The following TRAPPC9 variants were observed in gnomAD, a reference collection of about 807,000 sequenced individuals.
The protein encoded by TRAPPC9 is trafficking protein particle complex subunit 9.
A neutral mutation model predicts 124.0 loss-of-function variants in TRAPPC9; 83 were observed. The observed-to-expected ratio is 0.67, with a 90% CI of 0.56 to 0.80. TRAPPC9 has a LOEUF of 0.80. Ranked by LOEUF, TRAPPC9 falls within the 30% of genes least tolerant of loss-of-function variation. The probability of loss-of-function intolerance (pLI) is 0.00; values close to 1 mark genes in which losing one functional copy is unlikely to be tolerated. For synonymous variants in TRAPPC9, 638 were observed against 617.5 expected (o/e 1.03, Z -0.49); for missense variants, 1,302 against 1,508.3 (o/e 0.86, Z 2.27).
At chr8:140,271,454 C>G (rs76185486) in intron 15 of TRAPPC9, among the ~76,000 whole-genome samples, 4 of 152,010 alleles carry the variant, frequency 2.6e-5, no homozygotes, top group Admixed American at 6.6e-5. Flanking sequence ...AGGATGGTCA[C>G]GCCACGCGTC....
intron 17 of TRAPPC9, among the ~76,000 whole-genome samples, chr8:140,172,555 T>G (rs1028297328): frequency 1.3e-5 from 2 of 152,020 alleles, no homozygotes; most frequent in Admixed American, 6.5e-5. Context: ...GGGGTTAAAC[T>G]ACCTCTGGAG....
intron 19 of TRAPPC9, among the ~76,000 whole-genome samples, chr8:139,958,754 G>A (rs1365377713): frequency 6.6e-6 from 1 of 152,252 alleles, no homozygotes; most frequent in Non-Finnish European, 1.5e-5. Context: ...AGGGTGTGCA[G>A]TCAGCTTCCT....
intron 21 of TRAPPC9, among the ~76,000 whole-genome samples, chr8:139,872,388 GTGGATGGATGGA>G (rs112393714): frequency 2.9e-4 from 22 of 74,888 alleles, no homozygotes; most frequent in Admixed American, 9.4e-4. Flanking sequence ...GGATAAGTGG[GTGGATGGATGGA>G]TGGATGGATG....
chr8:139,975,463 C>T (rs1285840151), intron 19 of TRAPPC9, among the ~76,000 whole-genome samples: 1 of 152,224 alleles, frequency 6.6e-6, no homozygotes, highest in Non-Finnish European at 1.5e-5. Flanking sequence ...AGAACCACGA[C>T]TCCCACAGGA....
rs536660250 is a variant in TRAPPC9 at position 139,849,160 on chromosome 8, TAGGATACCTGGAGAAA to T, written c.3055+36703_3055+36718del. Among the ~76,000 whole-genome samples, 4 of 152,316 alleles carry T rather than the reference TAGGATACCTGGAGAAA, an allele frequency of 2.6e-5. No individual in the cohort carries two copies. In the East Asian group the frequency reaches 7.7e-4, roughly 29 times the overall value. ...TCCCAAATTGCATTGAGCCTTCGTC[TAGGATACCTGGAGAAA>T]AGATCTCCCGAGAACTCCAAAAGCC... On this transcript the variant is annotated intron_variant, in intron 21 of 22. Transcript: ENST00000438773.
At chr8:140,021,884 T>C (rs867993766) in intron 18 of TRAPPC9, among the ~76,000 whole-genome samples, 1 of 152,206 alleles carries the variant, frequency 6.6e-6, no homozygotes, top group South Asian at 2.1e-4. Context: ...ATAAAGCATC[T>C]TCATTTAAGA....
intron 19 of TRAPPC9, among the ~76,000 whole-genome samples, chr8:139,930,826 G>C (rs2233228): frequency 0.11 from 16,251 of 152,184 alleles, 991 homozygotes; most frequent in Admixed American, 0.18. Flanking sequence ...GCGAAAACGG[G>C]GCCACCCAAG....
chr8:140,166,149 T>A (rs567577740), intron 17 of TRAPPC9, among the ~76,000 whole-genome samples: 1 of 152,178 alleles, frequency 6.6e-6, no homozygotes, highest in South Asian at 2.1e-4. Flanking sequence ...CCAAAAGGCA[T>A]GACCGAAAGC....
chr8:139,938,947 G>A (rs1466382251), intron 19 of TRAPPC9, among the ~76,000 whole-genome samples: 4 of 152,318 alleles, frequency 2.6e-5, no homozygotes, highest in Admixed American at 6.5e-5. Flanking sequence ...GCCCGGCCCC[G>A]ATTAATTTTT....
chr8:140,448,580 T>C (rs552932684), intron 2 of TRAPPC9, among the ~76,000 whole-genome samples: 2 of 152,278 alleles, frequency 1.3e-5, no homozygotes, highest in South Asian at 4.1e-4. Context: ...AAGGCATGAG[T>C]CAAGGGGTCA....
chr8:140,115,333 T>C (rs1353068303), intron 17 of TRAPPC9, among the ~76,000 whole-genome samples: 1 of 151,878 alleles, frequency 6.6e-6, no homozygotes, highest in Admixed American at 6.6e-5. Flanking sequence ...AGTGGCGTGA[T>C]CTAGGCTCAC....
chr8:140,205,975 G>A (rs1029434527), intron 17 of TRAPPC9, among the ~76,000 whole-genome samples: 30 of 152,106 alleles, frequency 2.0e-4, no homozygotes, highest in African/African-American at 7.2e-4. Flanking sequence ...ATGACTCACT[G>A]AACCGATCCT....
intron 6 of TRAPPC9, among the ~76,000 whole-genome samples, chr8:140,404,786 T>C (rs557057107): frequency 4.3e-4 from 64 of 150,026 alleles, no homozygotes; most frequent in African/African-American, 1.5e-3. Context: ...GTGAGCATGC[T>C]TGTATGTATG....
chr8:140,334,300 TG>T (rs2066975995), intron 9 of TRAPPC9, among the ~76,000 whole-genome samples: 1 of 152,180 alleles, frequency 6.6e-6, no homozygotes, highest in Non-Finnish European at 1.5e-5. Flanking sequence ...GTCTGCCTGG[TG>T]GAGTCTCAAT....
intron 10 of TRAPPC9, among the ~76,000 whole-genome samples, chr8:140,310,600 C>T (rs766376523): frequency 1.1e-4 from 16 of 152,172 alleles, no homozygotes; most frequent in Non-Finnish European, 2.1e-4. Context: ...TAAAATCTCA[C>T]ACTCTTAGGA....
intron 21 of TRAPPC9, among the ~76,000 whole-genome samples, chr8:139,875,731 G>A (rs1829277827): frequency 6.6e-6 from 1 of 152,214 alleles, no homozygotes; most frequent in South Asian, 2.1e-4. Context: ...TCCAGGAAGT[G>A]GCTCTCAGCT....
chr8:140,284,703 G>A (rs1412191289), intron 13 of TRAPPC9, among the ~76,000 whole-genome samples: 1 of 152,162 alleles, frequency 6.6e-6, no homozygotes, highest in South Asian at 2.1e-4. Context: ...GATGCCTAGG[G>A]TGACAACTTT....
At chr8:139,781,302 C>G (rs917768886) in intron 21 of TRAPPC9, among the ~76,000 whole-genome samples, 2 of 151,566 alleles carry the variant, frequency 1.3e-5, no homozygotes, top group Non-Finnish European at 2.9e-5. Context: ...TACTTATAGA[C>G]AATGAAATAG....
chr8:139,775,935 G>A (rs1270868580), intron 21 of TRAPPC9, among the ~76,000 whole-genome samples: 1 of 152,194 alleles, frequency 6.6e-6, no homozygotes, highest in Non-Finnish European at 1.5e-5. Context: ...CACACCCAAG[G>A]CAGGTCCACT....
Sources: gnomAD v4.1 joint callset for allele counts (sites outside exome capture counted in the v4.1 genomes callset) on GRCh38, gnomAD v4.1.1 for gene constraint, MANE v1.5 for transcripts, NCBI Gene and HGNC (gene_info 2026-07-23, HGNC 2026-07-21) for gene names.